Variants in PLCG2 observed in about 807,000 individuals in gnomAD.
PLCG2 encodes 1-phosphatidylinositol 4,5-bisphosphate phosphodiesterase gamma-2.
Under a neutral mutation model 175.6 loss-of-function variants are expected in PLCG2, and 69 were observed. The observed-to-expected ratio is 0.39, with a 90% confidence interval of 0.32 to 0.48. The LOEUF is 0.48. Among genes scored for constraint, PLCG2 ranks in the 20% least tolerant of loss-of-function variants. PLCG2 has a pLI of 0.91. For synonymous variants in PLCG2, 827 were observed against 624.0 expected, an observed-to-expected ratio of 1.33 and a Z score of -4.85; for missense variants, 1,798 against 1,650.9, an observed-to-expected ratio of 1.09 and a Z score of -1.54.
At chr16:81,948,043 G>T (rs4243225) in intron 31 of PLCG2, among the ~76,000 whole-genome samples, 120,925 of 151,460 alleles carry the variant, frequency 0.8, 48,273 homozygotes, top group East Asian at 0.94. Flanking sequence ...ATTCACTTAT[G>T]CTCCTACTAA....
chr16:81,779,549 C>A (rs1157185946), intron 1 of PLCG2, 125 bp downstream of exon 1: 1 of 151,956 alleles, frequency 6.6e-6, no homozygotes, highest in Non-Finnish European at 1.5e-5. Context: ...CGGGCAGGGA[C>A]GGGGCGCACC....
chr16:81,791,072 G>A (rs1010519104), intron 2 of PLCG2, among the ~76,000 whole-genome samples: 2 of 152,182 alleles, frequency 1.3e-5, no homozygotes, highest in Non-Finnish European at 2.9e-5. Flanking sequence ...CATTTGTTCA[G>A]CACATGTTTG....
chr16:81,864,304 C>T (rs1485666621), intron 5 of PLCG2, among the ~76,000 whole-genome samples: 1 of 152,190 alleles, frequency 6.6e-6, no homozygotes, highest in Non-Finnish European at 1.5e-5. Flanking sequence ...TCCAGCAGGG[C>T]ACCCCTCACC....
chr16:81,841,643 G>T (rs1483174723), intron 2 of PLCG2, among the ~76,000 whole-genome samples: 2 of 152,076 alleles, frequency 1.3e-5, no homozygotes, highest in African/African-American at 4.8e-5. Flanking sequence ...AGCCAGAATA[G>T]AGGCTTCTTC....
chr16:81,943,643 A>G (rs760328046), intron 30 of PLCG2, among the ~76,000 whole-genome samples: 12 of 152,246 alleles, frequency 7.9e-5, no homozygotes, highest in Non-Finnish European at 1.6e-4. Flanking sequence ...TTCCCAAGTC[A>G]GAATCTGCAT....
At chr16:81,932,804 C>T (rs1910557938) in intron 25 of PLCG2, among the ~76,000 whole-genome samples, 2 of 152,220 alleles carry the variant, frequency 1.3e-5, no homozygotes, top group Admixed American at 6.5e-5. Flanking sequence ...CCCTAGGGCT[C>T]CTAATTCTTC....
intron 30 of PLCG2, among the ~76,000 whole-genome samples, chr16:81,942,328 A>G (rs1910976413): frequency 6.6e-6 from 1 of 152,218 alleles, no homozygotes. Flanking sequence ...GGAGATTTGG[A>G]AAAAACAAAG....
intron 2 of PLCG2, among the ~76,000 whole-genome samples, chr16:81,772,120 A>G (rs1242357697): frequency 6.6e-6 from 1 of 152,114 alleles, no homozygotes; most frequent in African/African-American, 2.4e-5. Context: ...TAAGTTAAGG[A>G]TCTCAAGATG....
At chr16:81,816,440 G>T (rs918391722) in intron 2 of PLCG2, among the ~76,000 whole-genome samples, 8 of 151,654 alleles carry the variant, frequency 5.3e-5, no homozygotes, top group Non-Finnish European at 1.2e-4. Context: ...CATGAAAAGG[G>T]TGACCTGGCA....
At chr16:81,884,124 GC>G (rs1239434028) in intron 9 of PLCG2, among the ~76,000 whole-genome samples, 2 of 152,232 alleles carry the variant, frequency 1.3e-5, no homozygotes, top group South Asian at 2.1e-4. Flanking sequence ...GCCGAGGCGG[GC>G]GGATCACTTG....
At chr16:81,782,531 G>T (rs1180211788) in intron 1 of PLCG2, among the ~76,000 whole-genome samples, 6 of 152,222 alleles carry the variant, frequency 3.9e-5, no homozygotes, top group African/African-American at 9.6e-5. Context: ...CCTGAGCTGG[G>T]TGCTGGCAGG....
At chr16:81,933,179 T>C (rs1238444133) in intron 25 of PLCG2, among the ~76,000 whole-genome samples, 1 of 152,236 alleles carries the variant, frequency 6.6e-6, no homozygotes, top group Non-Finnish European at 1.5e-5. Context: ...CTGGTTTTTA[T>C]ATTTACTGAG....
At chr16:81,775,662 A>G (rs1296982809), upstream of PLCG2, among the ~76,000 whole-genome samples, 3 of 152,190 alleles carry the variant, frequency 2.0e-5, no homozygotes, top group African/African-American at 7.2e-5. Context: ...TAATAGGGAA[A>G]AGCATTTGTA....
intron 2 of PLCG2, among the ~76,000 whole-genome samples, chr16:81,788,426 G>A (rs62044060): frequency 0.073 from 11,056 of 152,154 alleles, 497 homozygotes; most frequent in Admixed American, 0.11. Flanking sequence ...GACTACAGGC[G>A]CCCGCCACCA....
chr16:81,931,527 C>G lies in PLCG2; in HGVS notation c.2612C>G (p.Ser871Cys). The G allele has an allele frequency of 6.2e-7, 1 of 1,614,086 alleles. No homozygotes were observed. The highest frequency in any genetic ancestry group is 8.5e-7 in the Non-Finnish European group (1 of 1,180,016). Residue 871 changes from serine to cysteine, a missense_variant, in exon 25 of 33, where the codon TCC becomes TGC. Coordinates refer to ENST00000564138, the MANE Select transcript of PLCG2 (RefSeq NM_002661.5). The part of the protein sequence containing the change: ...VKAPQGKNQK[S>C]FVFILEPKQQ... ...GCCCCTCAGGGAAAAAACCAGAAGT[C>G]CTTTGTCTTCATCCTGGAGCCCAAG...
Position 81,869,264 on chromosome 16 carries a change from T to G in PLCG2, c.530T>G (p.Val177Gly), listed in dbSNP as rs1176757713. 2 of 1,613,908 alleles carry G rather than the reference T, an allele frequency of 1.2e-6. No homozygotes were observed. The highest frequency in any genetic ancestry group is 2.7e-5 in the African/African-American group (2 of 75,046). The change falls in exon 6 of 33, where the codon GTG (valine) becomes GGG (glycine). Residue 177 changes from valine to glycine, a missense_variant. Transcript: ENST00000564138. ...KTILPLINFK[V>G]SSAKFLKDKF... is the part of the protein sequence containing the mutation. ...ATCTTGCCCCTGATCAACTTTAAAG[T>G]GAGCAGTGCCAAGTTCCTTAAAGAT...
chr16:81,826,507 T>C (rs1400290561), intron 2 of PLCG2, among the ~76,000 whole-genome samples: 1 of 152,216 alleles, frequency 6.6e-6, no homozygotes, highest in Admixed American at 6.5e-5. Flanking sequence ...TAGTAGGACC[T>C]ATCTCACAGC....
At chr16:81,954,433 G>A (rs1174627687) in intron 31 of PLCG2, among the ~76,000 whole-genome samples, 2 of 152,166 alleles carry the variant, frequency 1.3e-5, no homozygotes, top group East Asian at 1.9e-4. Context: ...ATAGGTATAC[G>A]TGTGCCATGG....
intron 31 of PLCG2, among the ~76,000 whole-genome samples, chr16:81,951,632 C>G (rs1911370062): frequency 6.6e-6 from 1 of 152,130 alleles, no homozygotes. Context: ...TTCCCCTAAC[C>G]TCATTCAGCC....
Sources: gnomAD v4.1 joint callset for allele counts (sites outside exome capture counted in the v4.1 genomes callset) on GRCh38, gnomAD v4.1.1 for gene constraint, MANE v1.5 for transcripts, NCBI Gene and HGNC (gene_info 2026-07-23, HGNC 2026-07-21) for gene names.